GGNBP2: variants seen among roughly 807,000 people sequenced by gnomAD.
The protein encoded by GGNBP2 is gametogenetin-binding protein 2.
In GGNBP2, 10 loss-of-function variants were observed where a neutral mutation model predicts 85.9. That is an observed-to-expected ratio of 0.12 (90% CI 0.07 to 0.20). The LOEUF (loss-of-function observed/expected upper bound fraction) is 0.20. GGNBP2 is among the 10% of genes least tolerant of loss of function. The pLI is 1.00. For missense variants in GGNBP2, 595 were observed against 857.8 expected, an observed-to-expected ratio of 0.69 and a Z score of 3.83; for synonymous variants, 287 against 285.7, an observed-to-expected ratio of 1.00 and a Z score of -0.05.
At chr17:36,551,881 T>A (rs2074312176) in intron 2 of GGNBP2, among the ~76,000 whole-genome samples, 1 of 152,164 alleles carries the variant, frequency 6.6e-6, no homozygotes, top group Non-Finnish European at 1.5e-5. Context: ...ATTAGATGTG[T>A]TCTTTGATCT....
At chr17:36,552,417 A>G (rs1311821691) in intron 2 of GGNBP2, among the ~76,000 whole-genome samples, 1 of 152,232 alleles carries the variant, frequency 6.6e-6, no homozygotes, top group Non-Finnish European at 1.5e-5. Flanking sequence ...AGTATGGTTC[A>G]TTAGATATTT....
At chr17:36,561,636 AT>A (rs958831423) in intron 5 of GGNBP2, among the ~76,000 whole-genome samples, 3 of 151,160 alleles carry the variant, frequency 2.0e-5, no homozygotes, top group African/African-American at 7.3e-5. Context: ...ATTTATTATT[AT>A]TTTTTGAGAT....
At chr17:36,546,346 C>T (rs2074255089) in intron 2 of GGNBP2, 2 of 177,536 alleles carry the variant, frequency 1.1e-5, no homozygotes, top group African/African-American at 4.7e-5. Flanking sequence ...TAAATAGTCT[C>T]GTATTGCCTA....
In GGNBP2 at chr17:36,555,959, A is replaced by C. The variant is rs17138362; in HGVS notation, c.174+1059A>C. ...GGGCTGACTGTAATTAAGATATTGG[A>C]AGATGACTTGTTAGTTTACTTCAGA... is the stretch of plus-strand genomic sequence containing the variant. On this transcript the variant is annotated intron_variant, in intron 3 of 13. Transcript: ENST00000613102. Among the ~76,000 whole-genome samples the C allele has an allele frequency of 7.9e-5, 12 of 152,326 alleles. No individual in the cohort carries two copies. In the South Asian group the frequency reaches 1.4e-3, roughly 18 times the overall value.
chr17:36,554,762 C>A, intron 2 of GGNBP2, 58 bp from the exon 3 acceptor site: 1 of 1,056,060 alleles, frequency 9.5e-7, no homozygotes, highest in Non-Finnish European at 1.5e-6. Flanking sequence ...AGTTTGTAGG[C>A]TGTATCCTGT....
intron 5 of GGNBP2, among the ~76,000 whole-genome samples, chr17:36,564,812 T>C (rs1309474686): frequency 4.0e-5 from 6 of 151,892 alleles, no homozygotes; most frequent in Non-Finnish European, 7.4e-5. Context: ...CCAGAGAAAG[T>C]ATAATACAGT....
At chr17:36,576,738 G>A (rs2074595421) in intron 6 of GGNBP2, 1 of 149,880 alleles carries the variant, frequency 6.7e-6, no homozygotes, top group South Asian at 2.1e-4. Flanking sequence ...GGGACCTACA[G>A]GAGAAACAAG....
rs917278547 is a variant in GGNBP2, at chr17:36,574,822, C to T, written c.642-3161C>T. The T allele has an allele frequency of 2.4e-5, 16 of 677,558 alleles. No homozygotes were observed. The South Asian group carries it at 2.6e-4, about 11-fold the overall frequency. The allele number at this position is 677,558 out of a possible 1,614,324, so 42.0% of individuals were successfully genotyped here. On this transcript the variant is annotated intron_variant, in intron 6 of 13. Coordinates refer to ENST00000613102, the MANE Select transcript of GGNBP2 (RefSeq NM_024835.5). ...AAGGGATGGTGTGGGGCTTGCTGAT[C>T]TTGTTCCCCCAGTAGCCTCTGTGCA...
chr17:36,575,648 A>ATATATATATATTT (rs374366757), intron 6 of GGNBP2, among the ~76,000 whole-genome samples: 18 of 54,908 alleles, frequency 3.3e-4, no homozygotes, highest in Admixed American at 7.7e-4. Context: ...ATATATATAT[A>ATATATATATATTT]TTTTTTTTTT....
chr17:36,585,516 A>C (rs1370916454), intron 10 of GGNBP2, 66 bp downstream of exon 10: 1 of 1,124,794 alleles, frequency 8.9e-7, no homozygotes, highest in African/African-American at 1.6e-5. Context: ...TAAATGTAAG[A>C]GCTTTTAGAG....
intron 5 of GGNBP2, among the ~76,000 whole-genome samples, chr17:36,562,923 T>A (rs1157091173): frequency 1.7e-5 from 2 of 115,328 alleles, no homozygotes; most frequent in Non-Finnish European, 3.3e-5. Context: ...TGAGATCGTG[T>A]CGCCTGGGCG....
At chr17:36,545,371 C>T (rs1283478114) in intron 1 of GGNBP2, 2 of 259,410 alleles carry the variant, frequency 7.7e-6, no homozygotes, top group South Asian at 1.3e-4. Flanking sequence ...CCGGTCCCTT[C>T]CGCCTCTCCT....
At chr17:36,546,180 G>T (rs2074252832) in intron 2 of GGNBP2, 1 of 394,990 alleles carries the variant, frequency 2.5e-6, no homozygotes, top group Non-Finnish European at 4.5e-6. Context: ...CTACCCTCGG[G>T]GAGGCTTAAT....
At chr17:36,558,389 G>A (rs538471809) in intron 4 of GGNBP2, among the ~76,000 whole-genome samples, 7 of 132,338 alleles carry the variant, frequency 5.3e-5, no homozygotes, top group African/African-American at 2.0e-4. Context: ...ACTCCAGCCT[G>A]GGCAACAAGA....
intron 6 of GGNBP2, among the ~76,000 whole-genome samples, chr17:36,572,827 A>G (rs182375740): frequency 6.6e-6 from 1 of 152,276 alleles, no homozygotes; most frequent in Non-Finnish European, 1.5e-5. Context: ...TACGCATTGA[A>G]CAACACCTTT....
At chr17:36,589,101 G>T in intron 13 of GGNBP2, 107 bp from the exon 14 acceptor site, 2 of 733,146 alleles carry the variant, frequency 2.7e-6, no homozygotes, top group Non-Finnish European at 4.7e-6. Context: ...TTATGTGACT[G>T]ATGTGAAACT....
chr17:36,585,692 AC>A, intron 10 of GGNBP2, 147 bp from the exon 11 acceptor site: 4 of 702,260 alleles, frequency 5.7e-6, no homozygotes, highest in Non-Finnish European at 9.0e-6. Flanking sequence ...TTTACTTTCT[AC>A]TTAAAAAAAA....
chr17:36,547,641 A>G (rs1016956917), intron 2 of GGNBP2: 1 of 152,216 alleles, frequency 6.6e-6, no homozygotes, highest in Admixed American at 6.5e-5. Context: ...TAACCTTGCA[A>G]TGTGGTTTAG....
rs372540972 is a variant in GGNBP2, at chr17:36,589,242, T to G, written c.1925T>G (p.Phe642Cys). ...GAATGTACTTCAGATGAGGAAATCT[T>G]TATCTCACAAGATGAAATACAGTCA... ...ESECTSDEEI[F>C]ISQDEIQSFM... The change falls in exon 14 of 14, where the codon TTT (phenylalanine) becomes TGT (cysteine). Residue 642 changes from phenylalanine (F) to cysteine (C), a missense_variant. This residue lies in a region of GGNBP2 where 120 missense variants were observed against 126.3 expected (regional missense o/e 0.95). Coordinates refer to ENST00000613102, the MANE Select transcript of GGNBP2 (RefSeq NM_024835.5). 3.7e-6 allele frequency: 6 copies of G among 1,613,132 alleles called. No individual in the cohort carries two copies. Among genetic ancestry groups the G allele is most frequent in the Non-Finnish European group, 4.2e-6 (5 of 1,179,340 alleles).
Sources: gnomAD v4.1 joint callset for allele counts (sites outside exome capture counted in the v4.1 genomes callset) on GRCh38, gnomAD v4.1.1 for gene constraint, gnomAD v4.1.1 regional missense constraint, MANE v1.5 for transcripts, NCBI Gene and HGNC (gene_info 2026-07-23, HGNC 2026-07-21) for gene names.